The following TACR1 variants were observed in gnomAD, a reference collection of about 807,000 sequenced individuals.
TACR1 encodes substance-P receptor.
Under a neutral mutation model 35.8 loss-of-function variants are expected in TACR1, and 25 were observed. The ratio of observed to expected loss-of-function variants is 0.70; its 90% CI spans 0.51 to 0.98. The LOEUF is 0.98. Ranked by LOEUF, TACR1 falls within the 50% of genes least tolerant of loss-of-function variation. The probability of loss-of-function intolerance (pLI) is 0.00; values close to 1 mark genes in which losing one functional copy is unlikely to be tolerated. For missense variants in TACR1, 478 were observed against 522.9 expected (o/e 0.91, Z 0.84); for synonymous variants, 195 against 206.7 (o/e 0.94, Z 0.48).
chr2:75,145,121 T>C (rs1025617711), intron 1 of TACR1, among the ~76,000 whole-genome samples: 1 of 152,160 alleles, frequency 6.6e-6, no homozygotes, highest in African/African-American at 2.4e-5. Context: ...TATCATTTAT[T>C]GTATGATTAG....
At position 75,049,457 on chromosome 2, in the gene TACR1, C is replaced by T; in HGVS notation, c.1199G>A (p.Ser400Asn). 6.2e-7 allele frequency: 1 copy of T among 1,613,892 alleles called. No individual in the cohort carries two copies. Among genetic ancestry groups the T allele is most frequent in the Non-Finnish European group, 8.5e-7 (1 of 1,179,790 alleles). ...CTAGGAGAGCACATTGGAGGAGAAG[C>T]TGAAGCTCTCTGTCATGGTCTTGGA... ...SDSKTMTESF[S>N]FSSNVLS Residue 400 changes from serine to asparagine, a missense_variant, in exon 5 of 5, where the codon AGC becomes AAC. Ser to Asn is a conservative substitution (Grantham distance 46). Coordinates refer to ENST00000305249, the MANE Select transcript of TACR1 (RefSeq NM_001058.4).
At chr2:75,109,338 T>G (rs1264643269) in intron 2 of TACR1, among the ~76,000 whole-genome samples, 1 of 152,094 alleles carries the variant, frequency 6.6e-6, no homozygotes, top group African/African-American at 2.4e-5. Context: ...TTGAGGCAGC[T>G]GGGAAGGGCA....
intron 1 of TACR1, among the ~76,000 whole-genome samples, chr2:75,175,915 TCA>T (rs1346826343): frequency 2.1e-5 from 3 of 145,694 alleles, no homozygotes; most frequent in Non-Finnish European, 4.5e-5. Context: ...ACCATATACA[TCA>T]AAGAAGATTT....
chr2:75,141,246 A>G (rs1414787037), intron 1 of TACR1, among the ~76,000 whole-genome samples: 1 of 152,212 alleles, frequency 6.6e-6, no homozygotes, highest in Non-Finnish European at 1.5e-5. Flanking sequence ...TGGTCTCAGC[A>G]GAACAAAGCC....
intron 2 of TACR1, among the ~76,000 whole-genome samples, chr2:75,102,488 T>A (rs988466041): frequency 6.6e-6 from 1 of 152,204 alleles, no homozygotes; most frequent in Non-Finnish European, 1.5e-5. Flanking sequence ...TATCTTGGTC[T>A]GAACATTGAC....
At chr2:75,174,640 T>G (rs952722157) in intron 1 of TACR1, among the ~76,000 whole-genome samples, 1 of 152,346 alleles carries the variant, frequency 6.6e-6, no homozygotes, top group East Asian at 1.9e-4. Context: ...GGGGGACTAT[T>G]GTAATAGCAA....
chr2:75,051,119 T>G, intron 4 of TACR1, 132 bp downstream of exon 4: 1 of 1,135,412 alleles, frequency 8.8e-7, no homozygotes, highest in South Asian at 1.4e-5. Context: ...TGTGTGATGA[T>G]AAGTTAGCTG....
intron 1 of TACR1, among the ~76,000 whole-genome samples, chr2:75,135,168 C>T (rs907052141): frequency 7.9e-5 from 12 of 152,156 alleles, no homozygotes; most frequent in Admixed American, 1.3e-4. Flanking sequence ...TCTTCCCATG[C>T]GGGCCCCAGC....
At chr2:75,142,054 C>A (rs1169036295) in intron 1 of TACR1, among the ~76,000 whole-genome samples, 1 of 152,194 alleles carries the variant, frequency 6.6e-6, no homozygotes, top group Non-Finnish European at 1.5e-5. Context: ...GCTTTCAGCC[C>A]TCTTTTATGG....
intron 2 of TACR1, among the ~76,000 whole-genome samples, chr2:75,057,403 C>T (rs756903765): frequency 2.6e-5 from 4 of 152,192 alleles, no homozygotes; most frequent in Non-Finnish European, 4.4e-5. Flanking sequence ...TTGGACTCAG[C>T]CCGCCTGCAC....
At chr2:75,052,329 C>T (rs780250806) in intron 3 of TACR1, among the ~76,000 whole-genome samples, 39 of 152,170 alleles carry the variant, frequency 2.6e-4, no homozygotes, top group African/African-American at 7.0e-4. Context: ...ACACCAAATC[C>T]GTCTGTGCTT....
At chr2:75,141,083 T>C (rs555823040) in intron 1 of TACR1, among the ~76,000 whole-genome samples, 1 of 152,316 alleles carries the variant, frequency 6.6e-6, no homozygotes, top group African/African-American at 2.4e-5. Flanking sequence ...TTTAGAGACC[T>C]CAGGAAGGTC....
intron 1 of TACR1, among the ~76,000 whole-genome samples, chr2:75,186,550 A>G (rs1201749685): frequency 6.6e-6 from 1 of 151,860 alleles, no homozygotes; most frequent in African/African-American, 2.4e-5. Context: ...CGATTTATTT[A>G]TAATTTAACT....
At chr2:75,065,037 A>T (rs1477399491) in intron 2 of TACR1, among the ~76,000 whole-genome samples, 1 of 152,232 alleles carries the variant, frequency 6.6e-6, no homozygotes, top group Non-Finnish European at 1.5e-5. Context: ...AGATGATATC[A>T]GTCATCTGAA....
chr2:75,153,941 T>C (rs973331473), intron 1 of TACR1, among the ~76,000 whole-genome samples: 12 of 152,212 alleles, frequency 7.9e-5, no homozygotes, highest in African/African-American at 2.7e-4. Flanking sequence ...TATTGAGCTT[T>C]ATTCAGGGTG....
chr2:75,158,391 G>C (rs1360848572), intron 1 of TACR1, among the ~76,000 whole-genome samples: 1 of 152,074 alleles, frequency 6.6e-6, no homozygotes, highest in Non-Finnish European at 1.5e-5. Flanking sequence ...CTTAATAAGA[G>C]GGATTATTAT....
chr2:75,099,694 A>C (rs921878486), intron 2 of TACR1, among the ~76,000 whole-genome samples: 1 of 152,070 alleles, frequency 6.6e-6, no homozygotes, highest in Non-Finnish European at 1.5e-5. Context: ...GCATTCTCAG[A>C]CACCACACCT....
chr2:75,122,821 G>A (rs1673996041), intron 1 of TACR1, among the ~76,000 whole-genome samples: 2 of 152,130 alleles, frequency 1.3e-5, no homozygotes, highest in Non-Finnish European at 2.9e-5. Context: ...CCCCAAAATG[G>A]CCACGACTAC....
intron 2 of TACR1, among the ~76,000 whole-genome samples, chr2:75,074,852 T>C (rs1672950528): frequency 6.6e-6 from 1 of 152,214 alleles, no homozygotes; most frequent in East Asian, 1.9e-4. Context: ...TCTATGTGTG[T>C]AGCGTGGGTT....
Sources: gnomAD v4.1 joint callset for allele counts (sites outside exome capture counted in the v4.1 genomes callset) on GRCh38, gnomAD v4.1.1 for gene constraint, MANE v1.5 for transcripts, NCBI Gene and HGNC (gene_info 2026-07-23, HGNC 2026-07-21) for gene names.